The following IGF2BP3 variants were observed in gnomAD, a reference collection of about 807,000 sequenced individuals.
The protein encoded by IGF2BP3 is insulin-like growth factor 2 mRNA-binding protein 3.
A neutral mutation model predicts 73.8 loss-of-function variants in IGF2BP3; 9 were observed. That is an observed-to-expected ratio of 0.12 (90% CI 0.07 to 0.21). IGF2BP3 has a LOEUF of 0.21. Ranked by LOEUF, IGF2BP3 falls within the 10% of genes least tolerant of loss-of-function variation. The pLI is 1.00. For synonymous variants in IGF2BP3, 258 were observed against 256.7 expected, an observed-to-expected ratio of 1.01 and a Z score of -0.05; for missense variants, 542 against 714.0, an observed-to-expected ratio of 0.76 and a Z score of 2.75.
intron 5 of IGF2BP3, 132 bp downstream of exon 5, chr7:23,361,402 A>T: frequency 1.5e-6 from 1 of 656,156 alleles, no homozygotes; most frequent in Non-Finnish European, 2.6e-6. Flanking sequence ...AGGCACGATT[A>T]CAGGGTCAAA....
At position 23,347,055 on chromosome 7, in the gene IGF2BP3, G is replaced by A. The variant is rs149695286; in HGVS notation, c.818+545C>T. 2.5e-3 allele frequency among the ~76,000 whole-genome samples: 378 copies of A among 152,166 alleles called. 3 individuals carry two copies. Among genetic ancestry groups the A allele is most frequent in the African/African-American group, 8.6e-3 (358 of 41,518 alleles). On this transcript the variant is annotated intron_variant, in intron 7 of 14. Coordinates refer to ENST00000258729, the MANE Select transcript of IGF2BP3 (RefSeq NM_006547.3). ...ACACTAACTCCAGTGCCTTACTCTCGATTCTACTTTCAGTGCAGCGCTGTT... is the reference window on the plus strand; with the variant it reads ...ACACTAACTCCAGTGCCTTACTCTCAATTCTACTTTCAGTGCAGCGCTGTT...
intron 3 of IGF2BP3, among the ~76,000 whole-genome samples, chr7:23,376,222 G>GTCTTAATATC (rs1316928664): frequency 3.9e-5 from 6 of 152,302 alleles, no homozygotes; most frequent in South Asian, 2.1e-4. Flanking sequence ...GCTGGGAGGA[G>GTCTTAATATC]TGTTACTTGA....
At chr7:23,318,372 G>A (rs953835808) in intron 11 of IGF2BP3, among the ~76,000 whole-genome samples, 1 of 151,950 alleles carries the variant, frequency 6.6e-6, no homozygotes, top group Admixed American at 6.6e-5. Context: ...ACAGGTGTGT[G>A]CCACCATGCC....
At chr7:23,387,881 C>T (rs377155006) in intron 3 of IGF2BP3, among the ~76,000 whole-genome samples, 1 of 152,160 alleles carries the variant, frequency 6.6e-6, no homozygotes, top group Non-Finnish European at 1.5e-5. Context: ...TTGTCAAGGA[C>T]TGGACCTGCT....
intron 2 of IGF2BP3, among the ~76,000 whole-genome samples, chr7:23,451,020 A>G (rs918960259): frequency 1.3e-5 from 2 of 152,212 alleles, no homozygotes; most frequent in South Asian, 4.1e-4. Flanking sequence ...TACTTCAATC[A>G]AAACAATACA....
chr7:23,432,691 G>A lies in IGF2BP3; in HGVS notation c.237-13867C>T, dbSNP rs143007508. Among the ~76,000 whole-genome samples, 718 of 151,118 alleles carry A rather than the reference G, an allele frequency of 4.8e-3. 5 individuals are homozygous for A. Among genetic ancestry groups the A allele is most frequent in the Admixed American group, 0.01 (159 of 15,172 alleles). On this transcript the variant is annotated intron_variant, in intron 2 of 14. Coordinates refer to ENST00000258729, the MANE Select transcript of IGF2BP3 (RefSeq NM_006547.3). Reference sequence around the variant, plus strand: ...GTCTTGCTCTGTTGCTCAGACTGGAGTGCAAACGGCATGATCTCTGCCCAT... The same window carrying A: ...GTCTTGCTCTGTTGCTCAGACTGGAATGCAAACGGCATGATCTCTGCCCAT...
intron 2 of IGF2BP3, among the ~76,000 whole-genome samples, chr7:23,460,201 A>AAAAAAAAAAAC (rs34563888): frequency 2.7e-5 from 4 of 147,034 alleles, no homozygotes; most frequent in South Asian, 2.3e-4. Context: ...AAAAAACAAA[A>AAAAAAAAAAAC]ACGAAAGTGA....
chr7:23,409,151 G>T (rs558276849), intron 3 of IGF2BP3, among the ~76,000 whole-genome samples: 40 of 152,292 alleles, frequency 2.6e-4, no homozygotes, highest in Non-Finnish European at 5.4e-4. Flanking sequence ...AGGCAGTAAT[G>T]CTCGCTCACT....
intron 3 of IGF2BP3, among the ~76,000 whole-genome samples, chr7:23,395,956 C>G (rs571135567): frequency 4.0e-5 from 6 of 151,652 alleles, no homozygotes; most frequent in African/African-American, 1.4e-4. Context: ...AAAATACAAA[C>G]CTCAATGACC....
At chr7:23,439,511 C>T (rs1425494815) in intron 2 of IGF2BP3, among the ~76,000 whole-genome samples, 3 of 135,934 alleles carry the variant, frequency 2.2e-5, no homozygotes, top group African/African-American at 8.5e-5. Flanking sequence ...GAGCCAAGAT[C>T]GTGCCACTGC....
intron 3 of IGF2BP3, among the ~76,000 whole-genome samples, chr7:23,385,068 G>T (rs921567375): frequency 6.6e-6 from 1 of 152,056 alleles, no homozygotes; most frequent in Non-Finnish European, 1.5e-5. Flanking sequence ...TTAAATTTTG[G>T]CAGTAACCAA....
At chr7:23,456,057 C>T (rs950623626) in intron 2 of IGF2BP3, among the ~76,000 whole-genome samples, 29 of 152,248 alleles carry the variant, frequency 1.9e-4, no homozygotes, top group African/African-American at 6.7e-4. Flanking sequence ...TTAATCTATG[C>T]TTGTTAAACT....
At position 23,406,828 on chromosome 7, in the gene IGF2BP3, T is replaced by C. The variant is rs148151829; in HGVS notation, c.285+11948A>G. On this transcript the variant is annotated intron_variant, in intron 3 of 14. Coordinates refer to ENST00000258729, the MANE Select transcript of IGF2BP3 (RefSeq NM_006547.3). ...TTGGTGCGTTTTTATAGAGTGCTGA[T>C]TGGTGTGTTTACAAACCTTTAGCTA... is the stretch of plus-strand genomic sequence containing the variant. 3.7e-3 allele frequency among the ~76,000 whole-genome samples: 564 copies of C among 152,280 alleles called. 5 individuals carry two copies. The highest frequency in any genetic ancestry group is 0.013 in the African/African-American group (528 of 41,554).
intron 3 of IGF2BP3, among the ~76,000 whole-genome samples, chr7:23,372,276 T>A (rs1412376880): frequency 6.6e-6 from 1 of 152,118 alleles, no homozygotes; most frequent in Non-Finnish European, 1.5e-5. Flanking sequence ...GGTTTCACTA[T>A]GTTGGCCAGG....
intron 2 of IGF2BP3, among the ~76,000 whole-genome samples, chr7:23,433,486 AT>A (rs568295259): frequency 0.013 from 1,924 of 142,748 alleles, 16 homozygotes; most frequent in African/African-American, 0.03. Context: ...ATAATAACTA[AT>A]TTTTTTTTTT....
chr7:23,341,975 G>A (rs1784723398), intron 10 of IGF2BP3, 89 bp downstream of exon 10: 1 of 1,350,898 alleles, frequency 7.4e-7, no homozygotes, highest in South Asian at 1.6e-5. Flanking sequence ...GAGAGCATAT[G>A]TTGGCATCTA....
chr7:23,439,395 A>G (rs6974529), intron 2 of IGF2BP3, among the ~76,000 whole-genome samples: 5 of 149,906 alleles, frequency 3.3e-5, no homozygotes, highest in Non-Finnish European at 7.4e-5. Context: ...TACTAAAAAT[A>G]CAAAAAAAAA....
chr7:23,332,067 G>C (rs927869967), intron 10 of IGF2BP3, among the ~76,000 whole-genome samples: 1 of 152,010 alleles, frequency 6.6e-6, no homozygotes, highest in African/African-American at 2.4e-5. Flanking sequence ...CACAAGAACA[G>C]CAAGGGGGAA....
At chr7:23,416,870 G>A (rs1413237609) in intron 3 of IGF2BP3, among the ~76,000 whole-genome samples, 2 of 152,110 alleles carry the variant, frequency 1.3e-5, no homozygotes, top group South Asian at 2.1e-4. Flanking sequence ...CCTAACCAAC[G>A]TGGTAAAATC....
Sources: gnomAD v4.1 joint callset for allele counts (sites outside exome capture counted in the v4.1 genomes callset) on GRCh38, gnomAD v4.1.1 for gene constraint, MANE v1.5 for transcripts, NCBI Gene and HGNC (gene_info 2026-07-23, HGNC 2026-07-21) for gene names.